The following NEBL variants were observed in gnomAD, a reference collection of about 807,000 sequenced individuals.
NEBL encodes the protein nebulette.
Under a neutral mutation model 140.2 loss-of-function variants are expected in NEBL, and 122 were observed. The ratio of observed to expected loss-of-function variants is 0.87; its 90% CI spans 0.75 to 1.01. NEBL has a LOEUF of 1.01. Ranked by LOEUF, NEBL falls within the 50% of genes least tolerant of loss-of-function variation. The probability of loss-of-function intolerance (pLI) is 0.00; values close to 1 mark genes in which losing one functional copy is unlikely to be tolerated. For synonymous variants in NEBL, 436 were observed against 398.9 expected (o/e 1.09, Z -1.11); for missense variants, 1,365 against 1,231.3 (o/e 1.11, Z -1.62).
intron 12 of NEBL, chr10:20,841,274 G>C (rs954096873): frequency 5.9e-6 from 1 of 169,022 alleles, no homozygotes; most frequent in Non-Finnish European, 1.3e-5. Context: ...TGTAGCCAAA[G>C]GTTTTTTTTA....
chr10:20,881,615 A>G (rs1846021753), intron 4 of NEBL, among the ~76,000 whole-genome samples: 1 of 152,170 alleles, frequency 6.6e-6, no homozygotes, highest in South Asian at 2.1e-4. Context: ...TAACCTATTT[A>G]TTTCCTTCAT....
intron 4 of NEBL, among the ~76,000 whole-genome samples, chr10:20,923,305 C>G (rs559614307): frequency 6.6e-6 from 1 of 152,056 alleles, no homozygotes; most frequent in Non-Finnish European, 1.5e-5. Flanking sequence ...TGGGCTCAAG[C>G]AATCTGCCTG....
At chr10:21,210,519 G>A (rs963683758) in intron 3 of NEBL, among the ~76,000 whole-genome samples, 13 of 152,048 alleles carry the variant, frequency 8.5e-5, no homozygotes, top group Non-Finnish European at 1.5e-5. Context: ...TTAACATTAG[G>A]CAATATAACA....
chr10:20,884,419 C>T (rs1846284299), intron 4 of NEBL, among the ~76,000 whole-genome samples: 1 of 152,142 alleles, frequency 6.6e-6, no homozygotes, highest in South Asian at 2.1e-4. Flanking sequence ...TGCCCTGAAG[C>T]TTCTCCCTGC....
chr10:21,163,222 C>T (rs1002985877), intron 2 of NEBL, among the ~76,000 whole-genome samples: 4 of 151,980 alleles, frequency 2.6e-5, no homozygotes, highest in Non-Finnish European at 5.9e-5. Flanking sequence ...TTCCTATAAG[C>T]AATAGGGAGC....
chr10:21,181,668 T>C (rs1841390072), intron 3 of NEBL, among the ~76,000 whole-genome samples: 1 of 152,224 alleles, frequency 6.6e-6, no homozygotes, highest in Admixed American at 6.5e-5. Context: ...CTTTTCACCC[T>C]CATCTGCCAA....
At chr10:21,180,767 C>T (rs1425147027) in intron 3 of NEBL, among the ~76,000 whole-genome samples, 1 of 152,092 alleles carries the variant, frequency 6.6e-6, no homozygotes. Flanking sequence ...AGACCCAATG[C>T]CACTGCCTTA....
chr10:21,008,056 C>G (rs1478062364), intron 3 of NEBL, among the ~76,000 whole-genome samples: 1 of 152,128 alleles, frequency 6.6e-6, no homozygotes, highest in Non-Finnish European at 1.5e-5. Context: ...TTCATGTTTT[C>G]TTGGTCTTTC....
chr10:21,172,657 G>A (rs949464165), intron 1 of NEBL, among the ~76,000 whole-genome samples: 3 of 151,808 alleles, frequency 2.0e-5, no homozygotes, highest in Non-Finnish European at 2.9e-5. Flanking sequence ...AAAGCAGGCA[G>A]CTCTGAAAAT....
At chr10:20,861,782 C>G (rs1843721727) in intron 7 of NEBL, among the ~76,000 whole-genome samples, 2 of 152,148 alleles carry the variant, frequency 1.3e-5, no homozygotes, top group Non-Finnish European at 2.9e-5. Flanking sequence ...TGATAAATTC[C>G]TTTGTTATTA....
intron 26 of NEBL, among the ~76,000 whole-genome samples, chr10:20,792,123 GAA>G (rs11286684): frequency 0.016 from 1,686 of 106,754 alleles, 29 homozygotes; most frequent in African/African-American, 0.048. Context: ...ATTCCAAATA[GAA>G]AAAAAAAAAA....
intron 26 of NEBL, chr10:20,793,253 A>T: frequency 1.4e-6 from 1 of 718,464 alleles, no homozygotes; most frequent in Non-Finnish European, 1.7e-6. Flanking sequence ...ACCAAGTTTT[A>T]AAGACATGCC....
At chr10:21,031,400 G>A (rs777308577) in intron 2 of NEBL, among the ~76,000 whole-genome samples, 3 of 152,270 alleles carry the variant, frequency 2.0e-5, no homozygotes, top group South Asian at 4.2e-4. Context: ...CCAGAGGACC[G>A]CAGGACAAAA....
chr10:21,128,234 T>G (rs2132062580), intron 2 of NEBL, among the ~76,000 whole-genome samples: 1 of 152,298 alleles, frequency 6.6e-6, no homozygotes, highest in Admixed American at 6.5e-5. Flanking sequence ...AAGACATGTA[T>G]GTTTGAAGAC....
intron 17 of NEBL, among the ~76,000 whole-genome samples, chr10:20,827,519 T>C (rs752394673): frequency 7.2e-5 from 11 of 152,256 alleles, no homozygotes; most frequent in East Asian, 1.9e-4. Flanking sequence ...TAACTATTAA[T>C]GACTGAGCTA....
intron 9 of NEBL, 99 bp from the exon 10 acceptor site, chr10:20,852,748 C>CTTTGCAGCTCTTGG: frequency 1.9e-6 from 2 of 1,073,190 alleles, no homozygotes; most frequent in Non-Finnish European, 2.8e-6. Flanking sequence ...CCACCAAGAG[C>CTTTGCAGCTCTTGG]TGCAAAGCTG....
intron 18 of NEBL, among the ~76,000 whole-genome samples, chr10:20,823,886 T>A (rs543749921): frequency 6.6e-6 from 1 of 152,212 alleles, no homozygotes; most frequent in African/African-American, 2.4e-5. Flanking sequence ...GGGTCCTGCA[T>A]CAGTATAAGG....
chr10:21,059,587 A>G (rs528466926), intron 2 of NEBL, among the ~76,000 whole-genome samples: 12 of 152,358 alleles, frequency 7.9e-5, no homozygotes, highest in African/African-American at 2.9e-4. Flanking sequence ...TCTCAAATTA[A>G]TTTTAACAGC....
At chr10:20,983,546 A>G (rs917250204) in intron 3 of NEBL, among the ~76,000 whole-genome samples, 3 of 152,236 alleles carry the variant, frequency 2.0e-5, no homozygotes, top group African/African-American at 7.2e-5. Flanking sequence ...ACTAGTTGTT[A>G]TCAAATTGCA....
Sources: gnomAD v4.1 joint callset for allele counts (sites outside exome capture counted in the v4.1 genomes callset) on GRCh38, gnomAD v4.1.1 for gene constraint, MANE v1.5 for transcripts, NCBI Gene and HGNC (gene_info 2026-07-23, HGNC 2026-07-21) for gene names.